COL5A3: variants seen among roughly 807,000 people sequenced by gnomAD.
COL5A3 encodes collagen type V alpha 3 chain, also known as collagen alpha-3(V) chain.
In COL5A3, 172 loss-of-function variants were observed where a neutral mutation model predicts 250.0. The ratio of observed to expected loss-of-function variants is 0.69; its 90% CI spans 0.61 to 0.78. The LOEUF is 0.78. Among genes scored for constraint, COL5A3 ranks in the 30% least tolerant of loss-of-function variants. COL5A3 has a pLI of 0.00. For missense variants in COL5A3, 2,340 were observed against 2,334.4 expected, an observed-to-expected ratio of 1.00 and a Z score of -0.05; for synonymous variants, 937 against 900.4, an observed-to-expected ratio of 1.04 and a Z score of -0.73.
chr19:9,971,657 C>G (rs2086849407), intron 51 of COL5A3, among the ~76,000 whole-genome samples: 1 of 152,054 alleles, frequency 6.6e-6, no homozygotes, highest in Non-Finnish European at 1.5e-5. Flanking sequence ...CCCACAGATG[C>G]TAAAGCCCCT....
chr19:9,999,469 CTTT>C (rs530527039), intron 8 of COL5A3, among the ~76,000 whole-genome samples: 4 of 120,382 alleles, frequency 3.3e-5, no homozygotes, highest in Admixed American at 1.8e-4. Context: ...TTTCTTTTTT[CTTT>C]TTTTTTTTTT....
intron 1 of COL5A3, among the ~76,000 whole-genome samples, chr19:10,006,875 C>T (rs2087451477): frequency 6.6e-6 from 1 of 152,022 alleles, no homozygotes; most frequent in African/African-American, 2.4e-5. Flanking sequence ...TGTCTGATCC[C>T]AAACTCCTCC....
rs73007110 is a variant in COL5A3 at position 9,998,188 on chromosome 19, T to G, written c.1111-39A>C. 10 of 1,583,524 alleles carry G rather than the reference T, an allele frequency of 6.3e-6. No individual in the cohort carries two copies. In the Admixed American group the frequency reaches 1.8e-4, roughly 28 times the overall value. On this transcript the variant is annotated intron_variant, in intron 8 of 66. Transcript: ENST00000264828. ...AGGGGAGATGGAGAGAAAAGAGATG[T>G]GAACTTGGACATAAGCCCTTCAGTT... is the stretch of plus-strand genomic sequence containing the variant.
rs1363354207 is a variant in COL5A3 at position 9,993,402 on chromosome 19, G to T, written c.1727C>A (p.Pro576His). The T allele has an allele frequency of 1.2e-6, 2 of 1,614,124 alleles. No individual in the cohort carries two copies. The highest frequency in any genetic ancestry group is 8.5e-7 in the Non-Finnish European group (1 of 1,180,018). ...TACCCTCTCACCATCCTCTCCTGGG[G>T]GACCGGGTTGCCCCACATGGCCAAA... ...GDFGHVGQPGPPGEDGERGAE... is the reference protein window; with the variant it reads ...GDFGHVGQPGHPGEDGERGAE... Residue 576 changes from proline to histidine, a missense_variant, in exon 19 of 67, where the codon CCC becomes CAC. By Grantham distance (77) the Pro-to-His change is moderately conservative. Around this residue, in one of 3 missense-constraint regions of COL5A3, gnomAD observed 1,152 missense variants for 1,146.3 expected, o/e 1.00. Transcript: ENST00000264828.
At chr19:10,006,418 C>T (rs1463895043) in intron 1 of COL5A3, among the ~76,000 whole-genome samples, 187 bp from the exon 2 acceptor site, 1 of 152,090 alleles carries the variant, frequency 6.6e-6, no homozygotes, top group African/African-American at 2.4e-5. Flanking sequence ...CTCACCACCC[C>T]ACAGATGTTC....
intron 16 of COL5A3, among the ~76,000 whole-genome samples, chr19:9,994,595 TATATATATATA>T (rs2087243752): frequency 8.9e-6 from 1 of 112,748 alleles, no homozygotes; most frequent in South Asian, 2.6e-4. Context: ...TATATATATA[TATATATATATA>T]TGGTCACATG....
intron 65 of COL5A3, among the ~76,000 whole-genome samples, chr19:9,961,620 A>G (rs1281677932): frequency 6.9e-6 from 1 of 144,798 alleles, no homozygotes; most frequent in African/African-American, 2.6e-5. Flanking sequence ...GTGCAGTGGC[A>G]TGGTCTCAGC....
chr19:9,997,557 C>T (rs1042395744), intron 10 of COL5A3, 124 bp from the exon 11 acceptor site: 9 of 631,030 alleles, frequency 1.4e-5, no homozygotes, highest in Non-Finnish European at 2.0e-5. Context: ...CACTCCAACT[C>T]CCCTAATGCA....
At chr19:9,995,973 C>A in intron 15 of COL5A3, 93 bp downstream of exon 15, 1 of 1,227,296 alleles carries the variant, frequency 8.1e-7, no homozygotes, top group Admixed American at 2.5e-5. Flanking sequence ...GTATCCCCAG[C>A]CCCTTTGGCA....
chr19:10,000,452 CTTTTT>C (rs576119335), intron 8 of COL5A3, among the ~76,000 whole-genome samples: 629 of 62,716 alleles, frequency 0.01, 10 homozygotes, highest in East Asian at 0.03. Context: ...CCAGAGAGCT[CTTTTT>C]TTTTTTTTTT....
intron 24 of COL5A3, among the ~76,000 whole-genome samples, chr19:9,990,418 T>C (rs1395433150): frequency 1.4e-5 from 2 of 138,938 alleles, no homozygotes; most frequent in East Asian, 4.4e-4. Context: ...ACTAAAATAG[T>C]ATAACTGGAT....
At position 9,965,232 on chromosome 19, in the gene COL5A3, G is replaced by A. The variant is rs546445205; in HGVS notation, c.4782+1082C>T. Among the ~76,000 whole-genome samples the A allele has an allele frequency of 1.2e-4, 17 of 144,834 alleles. No homozygotes were observed. The East Asian group carries it at 2.9e-3, about 24-fold the overall frequency. ...TTCAGTGACACGATCTCGGCTCACT[G>A]CAAGCTCCGCCTTCTGGGTTCACGC... On this transcript the variant is annotated intron_variant, in intron 64 of 66. Coordinates refer to ENST00000264828, the MANE Select transcript of COL5A3 (RefSeq NM_015719.4).
intron 10 of COL5A3, 107 bp from the exon 11 acceptor site, chr19:9,997,540 A>G (rs2087290800): frequency 3.0e-6 from 2 of 673,454 alleles, no homozygotes; most frequent in South Asian, 1.9e-5. Flanking sequence ...CTACCCCACT[A>G]CAGAGCCACT....
chr19:9,998,232 GCACACACACACA>G, intron 8 of COL5A3, 83 bp from the exon 9 acceptor site: 2 of 1,014,810 alleles, frequency 2.0e-6, no homozygotes, highest in Non-Finnish European at 2.9e-6. Context: ...ACACACACTT[GCACACACACACA>G]CACACACACA....
intron 40 of COL5A3, 128 bp downstream of exon 40, chr19:9,978,763 G>T: frequency 1.1e-6 from 1 of 916,238 alleles, no homozygotes; most frequent in Non-Finnish European, 1.6e-6. Flanking sequence ...GCCTTCCCCA[G>T]TTCCCTCCAC....
At chr19:9,963,716 G>T (rs866476567) in intron 64 of COL5A3, among the ~76,000 whole-genome samples, 1 of 152,010 alleles carries the variant, frequency 6.6e-6, no homozygotes, top group African/African-American at 2.4e-5. Flanking sequence ...CTCCCTTTAG[G>T]CTAAGCAGGT....
rs756990483 is a variant in COL5A3, at chr19:9,991,629, A to G, written c.1973T>C (p.Ile658Thr). The change falls in exon 24 of 67, where the codon ATT becomes ACT. Residue 658 changes from isoleucine (I) to threonine (T), a missense_variant. Ile to Thr is a moderately conservative substitution (Grantham distance 89, BLOSUM62 -1). Around this residue, in one of 3 missense-constraint regions of COL5A3, gnomAD observed 1,152 missense variants for 1,146.3 expected, o/e 1.00. Coordinates refer to ENST00000264828, the MANE Select transcript of COL5A3 (RefSeq NM_015719.4). ...ACTCACCTTCTCCCCAGGAGTGCCA[A>G]TGAGTCCCTGGGGACCGGGGAGTCC... ...SQGLPGPQGL[I>T]GTPGEKGPPG... 3.1e-6 allele frequency: 5 copies of G among 1,606,208 alleles called. No homozygotes were observed. Among genetic ancestry groups the G allele is most frequent in the South Asian group, 1.1e-5 (1 of 90,002 alleles).
chr19:9,967,496 CACA>C, intron 61 of COL5A3, 96 bp from the exon 62 acceptor site: 1 of 523,544 alleles, frequency 1.9e-6, no homozygotes, highest in Non-Finnish European at 3.1e-6. Context: ...CACACACACT[CACA>C]CACACACAGT....
At position 9,993,897 on chromosome 19, in the gene COL5A3, A is replaced by AT. The variant is rs917923669; in HGVS notation, c.1588-92dup. On this transcript the variant is annotated intron_variant, in intron 16 of 66. Transcript: ENST00000264828. ...ACCCAACTTCATCATCAACATCAAG[A>AT]TTTTTTTTTTGACAGGGTCTCCTTC... The AT allele has an allele frequency of 2.1e-3, 2,438 of 1,135,950 alleles. 3 individuals are homozygous for AT. The highest frequency in any genetic ancestry group is 7.4e-3 in the African/African-American group (474 of 63,728). 70.4% of individuals were successfully genotyped at this position (1,135,950 alleles called of 1,614,324 possible).
Sources: allele counts gnomAD v4.1 joint callset (sites outside exome capture counted in the v4.1 genomes callset), GRCh38; gene constraint gnomAD v4.1.1; regional missense constraint gnomAD v4.1.1; transcripts MANE v1.5; gene names NCBI Gene and HGNC (gene_info 2026-07-23, HGNC 2026-07-21).